Variants in PPM1G observed in about 807,000 individuals in gnomAD.
The protein encoded by PPM1G is protein phosphatase, Mg2+/Mn2+ dependent 1G.
Under a neutral mutation model 59.4 loss-of-function variants are expected in PPM1G, and 12 were observed. The ratio of observed to expected loss-of-function variants is 0.20; its 90% CI spans 0.13 to 0.33. The LOEUF is 0.33. Ranked by LOEUF, PPM1G falls within the 10% of genes least tolerant of loss-of-function variation. The pLI, the probability that PPM1G is intolerant of heterozygous loss-of-function variation, is 1.00. For missense variants in PPM1G, 392 were observed against 681.3 expected (o/e 0.58, Z 4.73); for synonymous variants, 245 against 251.9 (o/e 0.97, Z 0.26).
chr2:27,387,534 C>T (rs1270894128), intron 1 of PPM1G, among the ~76,000 whole-genome samples: 2 of 151,946 alleles, frequency 1.3e-5, no homozygotes, highest in Admixed American at 6.6e-5. Context: ...AGAGTCTCGC[C>T]CTGTCACCCA....
chr2:27,385,448 C>T lies in PPM1G; in HGVS notation c.409+299G>A, dbSNP rs1157489940. On this transcript the variant is annotated intron_variant, in intron 4 of 9. Transcript: ENST00000344034. The surrounding 1 kb of genome is among the most constrained non-coding windows in gnomAD (Gnocchi z 4.1). Reference sequence around the variant, plus strand: ...AATGATTGGCTATTGGGGCTAATAACTGCTCCAGTCTTGAGGGGAAAAAAA... The same window carrying T: ...AATGATTGGCTATTGGGGCTAATAATTGCTCCAGTCTTGAGGGGAAAAAAA... 12 of 426,040 alleles carry T rather than the reference C, an allele frequency of 2.8e-5. No homozygotes were observed. In the East Asian group the frequency reaches 4.4e-4, roughly 16 times the overall value. The allele number at this position is 426,040 out of a possible 1,614,324, so 26.4% of individuals were successfully genotyped here. A position where few individuals can be genotyped will look rare whatever the true frequency, so the allele number is the denominator to read the frequency against.
intron 1 of PPM1G, among the ~76,000 whole-genome samples, chr2:27,408,953 T>C (rs897038189): frequency 6.6e-6 from 1 of 152,216 alleles, no homozygotes; most frequent in Non-Finnish European, 1.5e-5. Flanking sequence ...AAATAGCCCC[T>C]ATTTGCGTCT....
intron 1 of PPM1G, among the ~76,000 whole-genome samples, chr2:27,402,838 AAAT>A (rs1250532827): frequency 6.7e-6 from 1 of 148,158 alleles, no homozygotes; most frequent in African/African-American, 2.5e-5. Context: ...ATAAATAAAT[AAAT>A]AAATAAATAA....
In PPM1G at chr2:27,385,627, C is replaced by CT; in HGVS notation, c.409+119dup. On this transcript the variant is annotated intron_variant, in intron 4 of 9. Transcript: ENST00000344034. The surrounding 1 kb of genome is among the most constrained non-coding windows in gnomAD (Gnocchi z 4.1). ...CAATGCAGGAGAACATCATAGGTTT[C>CT]TTTAACATAAGGACTCCCCAGGTCC... is the stretch of plus-strand genomic sequence containing the variant. 7.6e-7 allele frequency: 1 copy of CT among 1,316,450 alleles called. No homozygotes were observed. Among genetic ancestry groups the CT allele is most frequent in the South Asian group, 1.5e-5 (1 of 66,498 alleles). 81.5% of individuals were successfully genotyped at this position (1,316,450 alleles called of 1,614,324 possible).
In PPM1G at chr2:27,382,323, CTA is replaced by C. The variant is rs1204894944; in HGVS notation, c.1332-97_1332-96del. 3.2e-6 allele frequency: 5 copies of C among 1,554,780 alleles called. No homozygotes were observed. Among genetic ancestry groups the C allele is most frequent in the Non-Finnish European group, 4.4e-6 (5 of 1,131,154 alleles). On this transcript the variant is annotated intron_variant, in intron 8 of 9. Coordinates refer to ENST00000344034, the MANE Select transcript of PPM1G (RefSeq NM_177983.3). This position sits in a 1 kb window ranked among gnomAD's most constrained non-coding sequence, Gnocchi z 4.2. ...TGGTGGCCCAGGCCAGTGTAAATAA[CTA>C]CAGAAATTCTCAGCTCTGCCTTAGT...
At chr2:27,393,419 T>C in intron 1 of PPM1G, 1 of 1,189,532 alleles carries the variant, frequency 8.4e-7, no homozygotes, top group East Asian at 2.5e-5. Context: ...TACGCGGCGC[T>C]GGAGCTGCGG....
intron 1 of PPM1G, among the ~76,000 whole-genome samples, chr2:27,396,266 C>T (rs1019290088): frequency 4.6e-5 from 7 of 152,038 alleles, no homozygotes; most frequent in East Asian, 1.9e-4. Context: ...AGCAGGACTC[C>T]GTCTCAAAAA....
At chr2:27,396,811 G>A (rs1249147549) in intron 1 of PPM1G, among the ~76,000 whole-genome samples, 8 of 59,950 alleles carry the variant, frequency 1.3e-4, no homozygotes, top group South Asian at 4.8e-4. Context: ...GCAAGACTCC[G>A]TCTCCAACAA....
At chr2:27,403,404 C>A (rs1159744042) in intron 1 of PPM1G, among the ~76,000 whole-genome samples, 1 of 151,152 alleles carries the variant, frequency 6.6e-6, no homozygotes, top group African/African-American at 2.4e-5. Flanking sequence ...CGAGATGGCA[C>A]CATTGCACTC....
chr2:27,399,131 A>C lies in PPM1G; in HGVS notation c.120+10172T>G, dbSNP rs1182786939. On this transcript the variant is annotated intron_variant, in intron 1 of 9. Transcript: ENST00000344034. ...TTCCAGCCTGGGTGGTCAGAGCAAG[A>C]CTGTCCCCCGACCAAAACAACAACA... 6.0e-4 allele frequency among the ~76,000 whole-genome samples: 88 copies of C among 146,158 alleles called. No homozygotes were observed. In the Admixed American group the frequency reaches 6.1e-3, roughly 10 times the overall value.
chr2:27,388,375 C>G (rs1424227258), intron 1 of PPM1G, among the ~76,000 whole-genome samples: 1 of 151,926 alleles, frequency 6.6e-6, no homozygotes, highest in African/African-American at 2.4e-5. Context: ...CACCACTGCG[C>G]TCCAGCCTGG....
chr2:27,392,474 T>C (rs1683938524), intron 1 of PPM1G, among the ~76,000 whole-genome samples: 1 of 151,630 alleles, frequency 6.6e-6, no homozygotes, highest in South Asian at 2.1e-4. Flanking sequence ...TTTATATTTT[T>C]AGTAGACACG....
chr2:27,403,748 T>C (rs1193889813), intron 1 of PPM1G, among the ~76,000 whole-genome samples: 1 of 151,358 alleles, frequency 6.6e-6, no homozygotes, highest in East Asian at 2.0e-4. Context: ...ATAAGCCAAG[T>C]GTCGTGGCAC....
chr2:27,387,988 C>T (rs902422287), intron 1 of PPM1G, among the ~76,000 whole-genome samples: 6 of 151,412 alleles, frequency 4.0e-5, no homozygotes, highest in Non-Finnish European at 5.9e-5. Flanking sequence ...TTAGTAGAGA[C>T]GGGGTTTCAC....
At chr2:27,396,418 CT>C (rs1444838041) in intron 1 of PPM1G, among the ~76,000 whole-genome samples, 1 of 152,050 alleles carries the variant, frequency 6.6e-6, no homozygotes, top group East Asian at 1.9e-4. Context: ...AGAATGGGGA[CT>C]CATTTAATGG....
chr2:27,405,732 T>G (rs947063670), intron 1 of PPM1G, among the ~76,000 whole-genome samples: 3 of 151,868 alleles, frequency 2.0e-5, no homozygotes, highest in African/African-American at 7.2e-5. Context: ...AACACCCTGG[T>G]TGCTGGGCAT....
In PPM1G at chr2:27,409,428, C is replaced by A; in HGVS notation, c.-6G>T. The stretch of plus-strand genomic sequence containing the variant: ...TGGGAGAGGTAGGCACCCATGGCGG[C>A]GGCTGGCCGGCGGCCTCAGGTGCAG... On this transcript the variant is annotated 5_prime_UTR_variant, in exon 1 of 10. Transcript: ENST00000344034. 6.6e-7 allele frequency: 1 copy of A among 1,504,950 alleles called. No individual in the cohort carries two copies. The highest frequency in any genetic ancestry group is 8.9e-7 in the Non-Finnish European group (1 of 1,127,864). 93.2% of individuals were successfully genotyped at this position (1,504,950 alleles called of 1,614,324 possible).
chr2:27,388,040 C>T (rs1683811269), intron 1 of PPM1G, among the ~76,000 whole-genome samples: 1 of 151,834 alleles, frequency 6.6e-6, no homozygotes, highest in African/African-American at 2.4e-5. Flanking sequence ...TCTCGGGATC[C>T]ACCCGCCTCA....
In PPM1G at chr2:27,385,855, T is replaced by C. The variant is rs369944692; in HGVS notation, c.301A>G (p.Ile101Val). Residue 101 changes from isoleucine to valine, a missense_variant, in exon 4 of 10, where the codon ATT becomes GTT. Around this residue, in one of 6 missense-constraint regions of PPM1G, gnomAD observed 68 missense variants for 145.9 expected, o/e 0.47. Coordinates refer to ENST00000344034, the MANE Select transcript of PPM1G (RefSeq NM_177983.3). This position sits in a 1 kb window ranked among gnomAD's most constrained non-coding sequence, Gnocchi z 4.1. ...QKALEDAFLA[I>V]DAKLTTEEVI... The stretch of plus-strand genomic sequence containing the variant: ...TCTTCAGTGGTCAATTTGGCGTCAA[T>C]AGCCAAGAAGGCATCTTCTAAAGCC... 2.5e-6 allele frequency: 4 copies of C among 1,613,832 alleles called. No individual in the cohort carries two copies. Among genetic ancestry groups the C allele is most frequent in the South Asian group, 2.2e-5 (2 of 90,984 alleles).
Sources: allele counts gnomAD v4.1 joint callset (sites outside exome capture counted in the v4.1 genomes callset), GRCh38; gene constraint gnomAD v4.1.1; regional missense constraint gnomAD v4.1.1; non-coding constraint Gnocchi (gnomAD v3.1); transcripts MANE v1.5; gene names NCBI Gene and HGNC (gene_info 2026-07-23, HGNC 2026-07-21).